Variants in CSMD3 observed in about 807,000 individuals in gnomAD.
The protein encoded by CSMD3 is CUB and sushi domain-containing protein 3.
In CSMD3, 177 loss-of-function variants were observed where a neutral mutation model predicts 435.2. That is an observed-to-expected ratio of 0.41 (90% CI 0.36 to 0.46). The LOEUF is 0.46. Ranked by LOEUF, CSMD3 falls within the 20% of genes least tolerant of loss-of-function variation. The probability of loss-of-function intolerance (pLI) is 0.34; values close to 1 mark genes in which losing one functional copy is unlikely to be tolerated. For missense variants in CSMD3, 4,265 were observed against 4,504.6 expected, an observed-to-expected ratio of 0.95 and a Z score of 1.52; for synonymous variants, 1,656 against 1,520.5, an observed-to-expected ratio of 1.09 and a Z score of -2.07.
At chr8:112,246,010 C>T (rs1394678038) in intron 64 of CSMD3, among the ~76,000 whole-genome samples, 1 of 152,130 alleles carries the variant, frequency 6.6e-6, no homozygotes, top group African/African-American at 2.4e-5. Context: ...TTTATTTAAA[C>T]TATCATATCC....
chr8:112,929,109 T>C (rs1340549339), intron 9 of CSMD3, among the ~76,000 whole-genome samples: 1 of 149,874 alleles, frequency 6.7e-6, no homozygotes, highest in Admixed American at 6.7e-5. Flanking sequence ...TCTGTTCATG[T>C]CCTTCGCCCA....
rs2130779428 is a variant in CSMD3, at chr8:112,304,884, G to C, written c.8103C>G (p.Ile2701Met). ...CAATTCGCCATCTTCCATGTTCCAA[G>C]ATAAAGGAATTGATGCTTGGACATG... ...VVTCPSINSF[I>M]LEHGRWRIVN... Residue 2701 changes from isoleucine to methionine, a missense_variant, in exon 52 of 71, where the codon ATC becomes ATG. By Grantham distance (10) the Ile-to-Met change is conservative. Coordinates refer to ENST00000297405, the MANE Select transcript of CSMD3 (RefSeq NM_198123.2). The C allele has an allele frequency of 3.7e-6, 6 of 1,613,772 alleles. No homozygotes were observed. Among genetic ancestry groups the C allele is most frequent in the Non-Finnish European group, 5.1e-6 (6 of 1,179,874 alleles).
At chr8:112,888,835 A>G (rs1329816962) in intron 10 of CSMD3, among the ~76,000 whole-genome samples, 1 of 151,590 alleles carries the variant, frequency 6.6e-6, no homozygotes, top group Non-Finnish European at 1.5e-5. Flanking sequence ...AAGTCTACAG[A>G]GGCATGATGA....
At chr8:112,542,364 G>C (rs557714948) in intron 27 of CSMD3, among the ~76,000 whole-genome samples, 3 of 145,550 alleles carry the variant, frequency 2.1e-5, no homozygotes, top group Non-Finnish European at 4.5e-5. Flanking sequence ...AAAAAAAATA[G>C]GTAAAATAGT....
chr8:113,374,985 T>C (rs1734990110), intron 1 of CSMD3, among the ~76,000 whole-genome samples: 3 of 152,132 alleles, frequency 2.0e-5, no homozygotes, highest in Admixed American at 2.0e-4. Context: ...TTCTACAAGA[T>C]GGCATATAAA....
chr8:112,829,416 C>T (rs923298162), intron 12 of CSMD3, among the ~76,000 whole-genome samples: 4 of 152,034 alleles, frequency 2.6e-5, no homozygotes, highest in Non-Finnish European at 4.4e-5. Flanking sequence ...ATTTCCTAGC[C>T]GCTAGAACTA....
rs549280793 is a variant in CSMD3 at position 112,698,714 on chromosome 8, A to C, written c.1973-8664T>G. ...AGTACAACACATTGAATAAAATTTA[A>C]ATGCATTCATCCATACTGACATAAA... On this transcript the variant is annotated intron_variant, in intron 13 of 70. Transcript: ENST00000297405. Among the ~76,000 whole-genome samples, 11 of 152,264 alleles carry C rather than the reference A, an allele frequency of 7.2e-5. No homozygotes were observed. In the South Asian group the frequency reaches 2.3e-3, roughly 32 times the overall value.
intron 1 of CSMD3, among the ~76,000 whole-genome samples, chr8:113,372,646 C>T (rs189871339): frequency 6.6e-6 from 1 of 152,170 alleles, no homozygotes; most frequent in East Asian, 1.9e-4. Context: ...AGAAAAGACA[C>T]ATTTAGGCCG....
chr8:113,305,688 T>G (rs2093814613), intron 2 of CSMD3, among the ~76,000 whole-genome samples: 1 of 152,202 alleles, frequency 6.6e-6, no homozygotes. Context: ...CTTAGTCAGA[T>G]TTGAAAGAGC....
At chr8:113,062,985 T>G (rs1310805494) in intron 5 of CSMD3, among the ~76,000 whole-genome samples, 3 of 151,752 alleles carry the variant, frequency 2.0e-5, no homozygotes, top group African/African-American at 7.2e-5. Flanking sequence ...GATTATAGTT[T>G]TGTTAAAGGC....
intron 61 of CSMD3, among the ~76,000 whole-genome samples, chr8:112,258,080 G>T (rs747555832): frequency 6.6e-6 from 1 of 152,124 alleles, no homozygotes; most frequent in Non-Finnish European, 1.5e-5. Flanking sequence ...TGAGCCATAC[G>T]CAGAAAACTG....
At chr8:112,424,528 A>C (rs1812850753) in intron 32 of CSMD3, among the ~76,000 whole-genome samples, 1 of 152,178 alleles carries the variant, frequency 6.6e-6, no homozygotes, top group Non-Finnish European at 1.5e-5. Context: ...CCTTATTCTC[A>C]AGGTTTGTTA....
At chr8:112,467,351 T>A (rs1196077572) in intron 32 of CSMD3, among the ~76,000 whole-genome samples, 1 of 152,072 alleles carries the variant, frequency 6.6e-6, no homozygotes, top group Non-Finnish European at 1.5e-5. Context: ...TTCTAGGAGG[T>A]AGAGCTATCT....
chr8:112,738,758 T>C (rs1256855372), intron 13 of CSMD3, among the ~76,000 whole-genome samples: 3 of 151,690 alleles, frequency 2.0e-5, no homozygotes, highest in African/African-American at 7.2e-5. Flanking sequence ...ATTTTACCAT[T>C]GCAATTAAAA....
Position 113,121,684 on chromosome 8 carries a change from G to T in CSMD3, c.710-22721C>A, listed in dbSNP as rs185619770. ...AAGGGCTTATTATCTAAAATTGTTG[G>T]TTAAAACATAGAAAAAATATTCTAT... On this transcript the variant is annotated intron_variant, in intron 4 of 70. Coordinates refer to ENST00000297405, the MANE Select transcript of CSMD3 (RefSeq NM_198123.2). 6.7e-3 allele frequency among the ~76,000 whole-genome samples: 1,018 copies of T among 152,032 alleles called. 13 individuals are homozygous for T. Among genetic ancestry groups the T allele is most frequent in the African/African-American group, 0.024 (980 of 41,456 alleles).
intron 59 of CSMD3, among the ~76,000 whole-genome samples, chr8:112,274,034 T>G (rs774647917): frequency 1.3e-5 from 2 of 151,808 alleles, no homozygotes; most frequent in Non-Finnish European, 2.9e-5. Flanking sequence ...ATGTTTCACA[T>G]GAACTGATAC....
intron 6 of CSMD3, among the ~76,000 whole-genome samples, chr8:113,011,727 C>T (rs888598843): frequency 1.3e-5 from 2 of 151,446 alleles, no homozygotes; most frequent in Admixed American, 6.6e-5. Flanking sequence ...TAATAAAAGG[C>T]CTTAAATCTT....
chr8:112,725,067 G>A lies in CSMD3; in HGVS notation c.1973-35017C>T, dbSNP rs1587087678. ...AAAGAGGAAAATCAAAGTTAGCAAA[G>A]ATGAATAACTCTTTTGAGCAAGTTT... On this transcript the variant is annotated intron_variant, in intron 13 of 70. Transcript: ENST00000297405. 2.6e-5 allele frequency among the ~76,000 whole-genome samples: 4 copies of A among 152,006 alleles called. No individual in the cohort carries two copies. In the South Asian group the frequency reaches 8.3e-4, roughly 31 times the overall value.
At chr8:113,369,865 TAGAAATAG>T (rs1285000009) in intron 1 of CSMD3, among the ~76,000 whole-genome samples, 4 of 151,706 alleles carry the variant, frequency 2.6e-5, no homozygotes, top group Non-Finnish European at 5.9e-5. Flanking sequence ...GTTAATCTCA[TAGAAATAG>T]AGAGTAGAAT....
Sources: gnomAD v4.1 joint callset for allele counts (sites outside exome capture counted in the v4.1 genomes callset) on GRCh38, gnomAD v4.1.1 for gene constraint, MANE v1.5 for transcripts, NCBI Gene and HGNC (gene_info 2026-07-23, HGNC 2026-07-21) for gene names.